The following NCK2 variants were observed in gnomAD, a reference collection of about 807,000 sequenced individuals.
The protein encoded by NCK2 is NCK adaptor protein 2.
NCK2 carries 16 observed loss-of-function variants against 33.9 expected under a neutral mutation model. The ratio of observed to expected loss-of-function variants is 0.47; its 90% CI spans 0.32 to 0.72. NCK2 has a LOEUF of 0.72. Ranked by LOEUF, NCK2 falls within the 30% of genes least tolerant of loss-of-function variation. The pLI, the probability that NCK2 is intolerant of heterozygous loss-of-function variation, is 0.03. For missense variants in NCK2, 418 were observed against 537.3 expected, an observed-to-expected ratio of 0.78 and a Z score of 2.19; for synonymous variants, 273 against 239.9, an observed-to-expected ratio of 1.14 and a Z score of -1.27.
intron 3 of NCK2, among the ~76,000 whole-genome samples, chr2:105,867,676 G>A (rs1247442809): frequency 1.3e-5 from 2 of 152,172 alleles, no homozygotes; most frequent in African/African-American, 4.8e-5. Context: ...TCACATTGCT[G>A]TGTGCGCTTG....
chr2:105,882,180 T>C (rs1056829979), intron 4 of NCK2, 131 bp downstream of exon 4: 23 of 1,083,798 alleles, frequency 2.1e-5, no homozygotes, highest in Non-Finnish European at 2.7e-5. Flanking sequence ...GAATGCAATT[T>C]AGTATAATGT....
intron 1 of NCK2, among the ~76,000 whole-genome samples, chr2:105,810,309 A>AGT (rs1252391136): frequency 5.3e-5 from 8 of 151,904 alleles, no homozygotes; most frequent in East Asian, 1.9e-4. Context: ...AAAAAACAAA[A>AGT]GTGTGTGTGT....
chr2:105,797,035 A>G lies in NCK2; in HGVS notation c.-200-19395A>G, dbSNP rs114410741. On this transcript the variant is annotated intron_variant, in intron 1 of 4. Coordinates refer to ENST00000233154, the MANE Select transcript of NCK2 (RefSeq NM_003581.5). ...TAGTCTTGCAGAAATGGATTTAGTC[A>G]TCACAGTCCCTTTTTTATTTTAACT... Among the ~76,000 whole-genome samples the G allele has an allele frequency of 4.6e-3, 707 of 152,338 alleles. 7 individuals are homozygous for G. The highest frequency in any genetic ancestry group is 0.016 in the African/African-American group (646 of 41,576).
intron 1 of NCK2, among the ~76,000 whole-genome samples, chr2:105,814,765 A>G (rs1675422973): frequency 1.3e-5 from 2 of 152,210 alleles, no homozygotes; most frequent in African/African-American, 4.8e-5. Flanking sequence ...CTGGCAGTGT[A>G]TCAGAAGGAT....
chr2:105,779,484 T>G (rs551292047), intron 1 of NCK2, among the ~76,000 whole-genome samples: 25 of 152,322 alleles, frequency 1.6e-4, no homozygotes, highest in Non-Finnish European at 2.2e-4. Context: ...TGAATATGGC[T>G]GCATCTCTGC....
intron 2 of NCK2, among the ~76,000 whole-genome samples, chr2:105,832,124 AT>A (rs911639859): frequency 6.6e-6 from 1 of 151,390 alleles, no homozygotes; most frequent in African/African-American, 2.4e-5. Context: ...TTTTTCTTTT[AT>A]TTTTAGCTAT....
rs150197372 is a variant in NCK2, at chr2:105,865,410, T to C, written c.226+10121T>C. On this transcript the variant is annotated intron_variant, in intron 3 of 4. Transcript: ENST00000233154. ...ATTTGAGCCCAGTGTGGCCTGACTC[T>C]GCCTCTTGTGATTGCTGTTCAGTCT... Among the ~76,000 whole-genome samples the C allele has an allele frequency of 4.2e-3, 645 of 152,326 alleles. 3 individuals are homozygous for C. Among genetic ancestry groups the C allele is most frequent in the African/African-American group, 0.014 (586 of 41,584 alleles).
At chr2:105,856,395 G>T (rs1677273560) in intron 3 of NCK2, among the ~76,000 whole-genome samples, 1 of 152,104 alleles carries the variant, frequency 6.6e-6, no homozygotes, top group Non-Finnish European at 1.5e-5. Flanking sequence ...TCACTTAAGG[G>T]TTTGCTAGTG....
At chr2:105,885,803 AT>A (rs1678697785) in intron 4 of NCK2, among the ~76,000 whole-genome samples, 1 of 152,246 alleles carries the variant, frequency 6.6e-6, no homozygotes, top group African/African-American at 2.4e-5. Context: ...AATTATAAAA[AT>A]ATTGTCATAA....
rs747217650 is a variant in NCK2 at position 105,881,563 on chromosome 2, C to T, written c.462C>T (p.Asn154=). The change falls in exon 4 of 5, where the codon AAC becomes AAT. Residue 154 remains asparagine, a synonymous_variant. Coordinates refer to ENST00000233154, the MANE Select transcript of NCK2 (RefSeq NM_003581.5). ...CSDGWWRGSY[N]GQIGWFPSNY... is the part of the protein sequence containing the mutation. ...ACGGTTGGTGGCGGGGCAGCTACAA[C>T]GGGCAGATCGGCTGGTTCCCCTCCA... 5 of 1,613,874 alleles carry T rather than the reference C, an allele frequency of 3.1e-6. No homozygotes were observed. Among genetic ancestry groups the T allele is most frequent in the East Asian group, 2.2e-5 (1 of 44,880 alleles).
chr2:105,773,063 T>G (rs1690187807), intron 1 of NCK2, among the ~76,000 whole-genome samples: 1 of 151,656 alleles, frequency 6.6e-6, no homozygotes. Context: ...AGCAAATTTT[T>G]TTTTTTTAAT....
Position 105,795,636 on chromosome 2 carries a change from G to A in NCK2, c.-200-20794G>A, listed in dbSNP as rs568242032. Reference sequence around the variant, plus strand: ...CCCCAAGGGATATTCAGCAGGCAGTGTCTGCAGGCGTTGTTGATTGTCACC... The same window carrying A: ...CCCCAAGGGATATTCAGCAGGCAGTATCTGCAGGCGTTGTTGATTGTCACC... On this transcript the variant is annotated intron_variant, in intron 1 of 4. Coordinates refer to ENST00000233154, the MANE Select transcript of NCK2 (RefSeq NM_003581.5). Among the ~76,000 whole-genome samples, 16 of 152,324 alleles carry A rather than the reference G, an allele frequency of 1.1e-4. No homozygotes were observed. In the East Asian group the frequency reaches 3.1e-3, roughly 29 times the overall value.
At chr2:105,892,553 C>T (rs1473116776) in intron 4 of NCK2, among the ~76,000 whole-genome samples, 5 of 138,148 alleles carry the variant, frequency 3.6e-5, no homozygotes, top group African/African-American at 5.5e-5. Context: ...AACAGAGACC[C>T]GGCTGGGCGT....
At chr2:105,868,749 C>T (rs1278636051) in intron 3 of NCK2, among the ~76,000 whole-genome samples, 6 of 152,272 alleles carry the variant, frequency 3.9e-5, no homozygotes, top group South Asian at 4.1e-4. Context: ...TACACAGTTA[C>T]GTTTAAAAAG....
chr2:105,825,104 C>G (rs1675892135), intron 2 of NCK2, among the ~76,000 whole-genome samples: 2 of 152,126 alleles, frequency 1.3e-5, no homozygotes, highest in Admixed American at 1.3e-4. Flanking sequence ...CTGCCTCCTC[C>G]TCTCCCTCCA....
chr2:105,856,604 C>T (rs1677282094), intron 3 of NCK2: 1 of 152,202 alleles, frequency 6.6e-6, no homozygotes, highest in Non-Finnish European at 1.5e-5. Context: ...TCTAAACTCC[C>T]TCTGCAAAAT....
intron 2 of NCK2, among the ~76,000 whole-genome samples, chr2:105,846,027 T>A (rs937831032): frequency 1.3e-5 from 2 of 152,186 alleles, no homozygotes; most frequent in Non-Finnish European, 2.9e-5. Context: ...ACAGTTAACA[T>A]CATGTAAGAA....
chr2:105,783,257 C>CGT (rs1690560672), intron 1 of NCK2, among the ~76,000 whole-genome samples: 1 of 152,172 alleles, frequency 6.6e-6, no homozygotes, highest in Admixed American at 6.5e-5. Context: ...GAATGTTCTG[C>CGT]GTGCTGTTTG....
chr2:105,825,486 G>A (rs573169116), intron 2 of NCK2, among the ~76,000 whole-genome samples: 15 of 152,348 alleles, frequency 9.8e-5, no homozygotes, highest in African/African-American at 3.6e-4. Flanking sequence ...ACTGGGCACT[G>A]CAGCGCTTTG....
Sources: allele counts gnomAD v4.1 joint callset (sites outside exome capture counted in the v4.1 genomes callset), GRCh38; gene constraint gnomAD v4.1.1; transcripts MANE v1.5; gene names NCBI Gene and HGNC (gene_info 2026-07-23, HGNC 2026-07-21).